Variants in PPA1 observed in about 807,000 individuals in gnomAD.
PPA1 encodes the protein inorganic pyrophosphatase.
A neutral mutation model predicts 41.8 loss-of-function variants in PPA1; 23 were observed. That is an observed-to-expected ratio of 0.55 (90% CI 0.40 to 0.78). The LOEUF (loss-of-function observed/expected upper bound fraction) is 0.78, where lower values mean the gene tolerates loss of function less well. Ranked by LOEUF, PPA1 falls within the 30% of genes least tolerant of loss-of-function variation. PPA1 has a pLI of 0.00. For synonymous variants in PPA1, 101 were observed against 116.8 expected, an observed-to-expected ratio of 0.86 and a Z score of 0.87; for missense variants, 320 against 361.6, an observed-to-expected ratio of 0.89 and a Z score of 0.93.
In PPA1 at chr10:70,233,296, G is replaced by C; in HGVS notation, c.32C>G (p.Ala11Gly). 2.6e-6 allele frequency: 4 copies of C among 1,542,612 alleles called. No homozygotes were observed. The highest frequency in any genetic ancestry group is 3.5e-6 in the Non-Finnish European group (4 of 1,144,568). MSGFSTEERA[A>G]PFSLEYRVFL... ...GACTCGGTACTCCAGGGAGAAGGGC[G>C]CGGCGCGCTCCTCGGTGCTGAAGCC... The change falls in exon 1 of 11, where the codon GCG (alanine) becomes GGG (glycine). Residue 11 changes from alanine to glycine, a missense_variant. Coordinates refer to ENST00000373232, the MANE Select transcript of PPA1 (RefSeq NM_021129.4).
At chr10:70,206,140 C>T in intron 9 of PPA1, 124 bp downstream of exon 9, 1 of 725,774 alleles carries the variant, frequency 1.4e-6, no homozygotes, top group South Asian at 1.7e-5. Flanking sequence ...TTCAAGACTC[C>T]ACACAGTAAC....
intron 6 of PPA1, 29 bp from the exon 7 acceptor site, chr10:70,209,714 G>A: frequency 6.4e-7 from 1 of 1,555,132 alleles, no homozygotes; most frequent in South Asian, 1.2e-5. Context: ...TAAGATGACA[G>A]TGAGAATGAT....
chr10:70,213,358 T>C, intron 6 of PPA1, 105 bp downstream of exon 6: 1 of 1,363,998 alleles, frequency 7.3e-7, no homozygotes, highest in Non-Finnish European at 1.0e-6. Context: ...TCCTCCATCC[T>C]TTAACAGTTT....
chr10:70,219,680 T>C (rs1366772661), intron 2 of PPA1, among the ~76,000 whole-genome samples: 2 of 152,202 alleles, frequency 1.3e-5, no homozygotes, highest in African/African-American at 4.8e-5. Flanking sequence ...AGTTCTACTG[T>C]AATTGGCTTA....
At chr10:70,228,734 A>G (rs1840258188) in intron 2 of PPA1, among the ~76,000 whole-genome samples, 1 of 152,198 alleles carries the variant, frequency 6.6e-6, no homozygotes, top group Non-Finnish European at 1.5e-5. Flanking sequence ...TGTTTGCTCC[A>G]TTGCCTCTAA....
chr10:70,207,331 T>C (rs1016480055), intron 8 of PPA1, among the ~76,000 whole-genome samples: 2 of 152,204 alleles, frequency 1.3e-5, no homozygotes, highest in Non-Finnish European at 2.9e-5. Context: ...GGTTTATCCA[T>C]AAAACATATT....
At chr10:70,213,711 C>G in intron 5 of PPA1, 122 bp from the exon 6 acceptor site, 2 of 1,207,142 alleles carry the variant, frequency 1.7e-6, no homozygotes, top group East Asian at 5.1e-5. Context: ...GAAGATTGTT[C>G]CTTTAAGCAA....
In PPA1 at chr10:70,203,013, A is replaced by T; in HGVS notation, c.*142T>A. ...GCTTTAGATGGATAACATTCTGAGT[A>T]TATTGGATTAGTCACAGCAGAATTT... On this transcript the variant is annotated 3_prime_UTR_variant, in exon 11 of 11. Coordinates refer to ENST00000373232, the MANE Select transcript of PPA1 (RefSeq NM_021129.4). 1 of 791,508 alleles carries T rather than the reference A, an allele frequency of 1.3e-6. No individual in the cohort carries two copies. Among genetic ancestry groups the T allele is most frequent in the Admixed American group, 2.4e-5 (1 of 41,614 alleles). 49.0% of individuals were successfully genotyped at this position (791,508 alleles called of 1,614,324 possible). A position where few individuals can be genotyped will look rare whatever the true frequency, so the allele number is the denominator to read the frequency against.
chr10:70,222,555 C>A (rs913864498), intron 2 of PPA1, among the ~76,000 whole-genome samples: 1 of 152,106 alleles, frequency 6.6e-6, no homozygotes, highest in African/African-American at 2.4e-5. Flanking sequence ...GTACTTCCTG[C>A]TGGTAGCATT....
chr10:70,232,188 T>C (rs1273203514), intron 1 of PPA1, among the ~76,000 whole-genome samples: 1 of 152,230 alleles, frequency 6.6e-6, no homozygotes, highest in Non-Finnish European at 1.5e-5. Context: ...GGCTACTTTT[T>C]GTTCCTTCAA....
In PPA1 at chr10:70,230,241, A is replaced by G. The variant is rs1033953561; in HGVS notation, c.123+100T>C. The stretch of plus-strand genomic sequence containing the variant: ...CAGACCTTTAGCTCACAGCACAACG[A>G]GGCATTTTAAGCACTTGTTGAGAGA... On this transcript the variant is annotated intron_variant, in intron 2 of 10. Coordinates refer to ENST00000373232, the MANE Select transcript of PPA1 (RefSeq NM_021129.4). The G allele has an allele frequency of 1.4e-5, 19 of 1,361,286 alleles. No homozygotes were observed. The African/African-American group carries it at 2.6e-4, about 19-fold the overall frequency. 84.3% of individuals were successfully genotyped at this position (1,361,286 alleles called of 1,614,324 possible). A position where few individuals can be genotyped will look rare whatever the true frequency, so the allele number is the denominator to read the frequency against.
chr10:70,219,782 A>G (rs1192319787), intron 2 of PPA1, among the ~76,000 whole-genome samples: 1 of 152,222 alleles, frequency 6.6e-6, no homozygotes, highest in East Asian at 1.9e-4. Flanking sequence ...AAAACAAACC[A>G]TACTTTGCCA....
chr10:70,206,979 C>A (rs573269491), intron 8 of PPA1, among the ~76,000 whole-genome samples: 1 of 148,440 alleles, frequency 6.7e-6, no homozygotes, highest in African/African-American at 2.5e-5. Flanking sequence ...AGAAACATAT[C>A]TTTCTTAATT....
At chr10:70,227,999 T>C (rs919825598) in intron 2 of PPA1, among the ~76,000 whole-genome samples, 1 of 152,212 alleles carries the variant, frequency 6.6e-6, no homozygotes, top group African/African-American at 2.4e-5. Flanking sequence ...CACACCTTTA[T>C]TTGTGTTTTA....
intron 2 of PPA1, among the ~76,000 whole-genome samples, chr10:70,229,557 T>C (rs1840266054): frequency 6.6e-6 from 1 of 152,246 alleles, no homozygotes; most frequent in South Asian, 2.1e-4. Context: ...TATGTCCTTT[T>C]AGAAGTCTGT....
At chr10:70,210,905 A>C (rs1355832617) in intron 6 of PPA1, among the ~76,000 whole-genome samples, 2 of 151,870 alleles carry the variant, frequency 1.3e-5, no homozygotes, top group Admixed American at 1.3e-4. Context: ...AACTGGGACT[A>C]CAGGTGCCCA....
At chr10:70,214,686 TTC>T in intron 4 of PPA1, 100 bp from the exon 5 acceptor site, 1 of 909,226 alleles carries the variant, frequency 1.1e-6, no homozygotes. Context: ...AGCTACTTTT[TTC>T]TCATTGTTTT....
At chr10:70,219,774 A>C (rs934316198) in intron 2 of PPA1, among the ~76,000 whole-genome samples, 5 of 152,236 alleles carry the variant, frequency 3.3e-5, no homozygotes, top group African/African-American at 1.2e-4. Context: ...ACAATGAAAA[A>C]ACAAACCATA....
At chr10:70,213,125 C>T (rs749847010) in intron 6 of PPA1, among the ~76,000 whole-genome samples, 15 of 152,120 alleles carry the variant, frequency 9.9e-5, no homozygotes, top group Non-Finnish European at 1.8e-4. Flanking sequence ...CTAAAAACCA[C>T]TGAATTGTAC....
Sources: allele counts gnomAD v4.1 joint callset (sites outside exome capture counted in the v4.1 genomes callset), GRCh38; gene constraint gnomAD v4.1.1; transcripts MANE v1.5; gene names NCBI Gene and HGNC (gene_info 2026-07-23, HGNC 2026-07-21).